UST: variants seen among roughly 807,000 people sequenced by gnomAD.
The protein encoded by UST is uronyl 2-sulfotransferase, also known as chondroitin sulfate 2-O-sulfotransferase.
In UST, 21 loss-of-function variants were observed where a neutral mutation model predicts 45.6. The ratio of observed to expected loss-of-function variants is 0.46; its 90% CI spans 0.33 to 0.66. The LOEUF (loss-of-function observed/expected upper bound fraction) is 0.66. UST is among the 30% of genes least tolerant of loss of function. The pLI is 0.02. For synonymous variants in UST, 215 were observed against 200.6 expected, an observed-to-expected ratio of 1.07 and a Z score of -0.61; for missense variants, 463 against 512.4, an observed-to-expected ratio of 0.90 and a Z score of 0.93.
At chr6:148,760,393 C>G (rs1157393847) in intron 1 of UST, among the ~76,000 whole-genome samples, 1 of 152,218 alleles carries the variant, frequency 6.6e-6, no homozygotes, top group East Asian at 1.9e-4. Context: ...CTGTGGGCAG[C>G]TCCAGTGGGT....
At chr6:148,805,488 T>A (rs1562263245) in intron 1 of UST, among the ~76,000 whole-genome samples, 1 of 152,170 alleles carries the variant, frequency 6.6e-6, no homozygotes, top group Non-Finnish European at 1.5e-5. Flanking sequence ...AGGCATGACA[T>A]AAAAAGGGGA....
intron 3 of UST, among the ~76,000 whole-genome samples, chr6:148,945,373 C>G (rs1780215713): frequency 6.6e-6 from 1 of 152,196 alleles, no homozygotes; most frequent in South Asian, 2.1e-4. Context: ...TTTATCTCCT[C>G]TAGCTGGATA....
intron 5 of UST, among the ~76,000 whole-genome samples, chr6:149,010,326 G>A (rs543793826): frequency 1.5e-4 from 23 of 152,260 alleles, no homozygotes; most frequent in African/African-American, 5.3e-4. Context: ...GACCATTGTA[G>A]TTGTGGGCTC....
chr6:148,756,513 A>C (rs142876732), intron 1 of UST, among the ~76,000 whole-genome samples: 58 of 152,254 alleles, frequency 3.8e-4, no homozygotes, highest in African/African-American at 1.2e-3. Context: ...CAGGGTTTAT[A>C]TTGATTGTCT....
At position 148,748,073 on chromosome 6, in the gene UST, C is replaced by A. The variant is rs1361867548; in HGVS notation, c.247+396C>A. Reference sequence around the variant, plus strand: ...AGGGAAGGGAAGGTCCTCTTCGTTGCATTGTTAGTGACCGCAGTTCAGTCC... The same window carrying A: ...AGGGAAGGGAAGGTCCTCTTCGTTGAATTGTTAGTGACCGCAGTTCAGTCC... On this transcript the variant is annotated intron_variant, in intron 1 of 7. Transcript: ENST00000367463. This position sits in a 1 kb window ranked among gnomAD's most constrained non-coding sequence, Gnocchi z 5.3. Among the ~76,000 whole-genome samples, 1 of 151,986 alleles carries A rather than the reference C, an allele frequency of 6.6e-6. No homozygotes were observed. The highest frequency in any genetic ancestry group is 1.5e-5 in the Non-Finnish European group (1 of 67,992).
chr6:148,867,380 C>T (rs770320947), intron 1 of UST, among the ~76,000 whole-genome samples: 44 of 151,760 alleles, frequency 2.9e-4, no homozygotes, highest in Non-Finnish European at 5.2e-4. Context: ...TTGTAAAATT[C>T]TGTGCTATAG....
intron 5 of UST, among the ~76,000 whole-genome samples, chr6:149,007,750 T>G (rs765260762): frequency 2.2e-4 from 32 of 147,434 alleles, no homozygotes; most frequent in Admixed American, 1.5e-3. Flanking sequence ...AGACAGGGGG[T>G]TTTTTTTTGG....
At chr6:148,884,652 T>G (rs1046085426) in intron 1 of UST, among the ~76,000 whole-genome samples, 9 of 151,790 alleles carry the variant, frequency 5.9e-5, no homozygotes, top group East Asian at 5.8e-4. Context: ...GCTGACTCTT[T>G]TGTGTGTAGA....
chr6:148,875,864 G>A (rs991204999), intron 1 of UST, among the ~76,000 whole-genome samples: 3 of 152,226 alleles, frequency 2.0e-5, no homozygotes, highest in African/African-American at 7.2e-5. Flanking sequence ...TATAAGATGA[G>A]GAAGTAGCGA....
intron 1 of UST, among the ~76,000 whole-genome samples, chr6:148,802,049 T>G (rs941561446): frequency 6.6e-6 from 1 of 152,242 alleles, no homozygotes; most frequent in African/African-American, 2.4e-5. Flanking sequence ...AAGTTTTCCA[T>G]GTAAGCAACT....
chr6:148,785,761 T>C (rs879596513), intron 1 of UST, among the ~76,000 whole-genome samples: 2 of 152,188 alleles, frequency 1.3e-5, no homozygotes, highest in African/African-American at 2.4e-5. Flanking sequence ...TAGTATAAGA[T>C]GTTGAGGAAA....
Position 148,879,952 on chromosome 6 carries a change from CTTTTTT to C in UST, c.248-7024_248-7019del, listed in dbSNP as rs766758383. ...GACTTTTCTTTTTTCTTTTTTTTTT[CTTTTTT>C]TTTTTTTTTGACAAGGTCTTGCTCT... On this transcript the variant is annotated intron_variant, in intron 1 of 7. Coordinates refer to ENST00000367463, the MANE Select transcript of UST (RefSeq NM_005715.3). Among the ~76,000 whole-genome samples the C allele has an allele frequency of 8.6e-4, 103 of 119,886 alleles. 1 individual carries two copies. The highest frequency in any genetic ancestry group is 2.6e-3 in the African/African-American group (84 of 32,704). 78.6% of individuals were successfully genotyped at this position (119,886 alleles called of 152,430 possible).
At chr6:148,902,574 T>G (rs1779281793) in intron 2 of UST, among the ~76,000 whole-genome samples, 1 of 152,198 alleles carries the variant, frequency 6.6e-6, no homozygotes, top group East Asian at 1.9e-4. Context: ...ATTTTGAGTC[T>G]CACGTTGTTG....
At chr6:148,835,382 A>C (rs1045534723) in intron 1 of UST, among the ~76,000 whole-genome samples, 2 of 152,162 alleles carry the variant, frequency 1.3e-5, no homozygotes, top group Admixed American at 6.5e-5. Flanking sequence ...CTGATGGATG[A>C]CTGACATAGA....
intron 3 of UST, among the ~76,000 whole-genome samples, chr6:148,949,960 A>C (rs1019441391): frequency 7.9e-5 from 12 of 152,142 alleles, no homozygotes; most frequent in African/African-American, 2.4e-4. Flanking sequence ...AGCATTGCCC[A>C]TCTCCATGAA....
intron 1 of UST, among the ~76,000 whole-genome samples, chr6:148,852,092 ATCTCTGTCCAGAAAAGGCGTTTT>A: frequency 6.6e-6 from 1 of 152,318 alleles, no homozygotes; most frequent in East Asian, 1.9e-4. Context: ...ATGCTCTTTC[ATCTCTGTCCAGAAAAGGCGTTTT>A]TACCTGCACC....
intron 5 of UST, among the ~76,000 whole-genome samples, chr6:148,980,299 G>A (rs182690189): frequency 6.6e-6 from 1 of 151,906 alleles, no homozygotes; most frequent in East Asian, 1.9e-4. Context: ...TTTTTTCTTA[G>A]AATGTCTCTC....
chr6:148,749,030 G>T (rs150612265), intron 1 of UST, among the ~76,000 whole-genome samples: 1,945 of 152,100 alleles, frequency 0.013, 26 homozygotes, highest in Non-Finnish European at 0.018. Flanking sequence ...TGTAGATGTG[G>T]ATAAAATAAT....
intron 2 of UST, among the ~76,000 whole-genome samples, chr6:148,915,495 A>G (rs1779571222): frequency 1.3e-5 from 2 of 151,882 alleles, no homozygotes; most frequent in African/African-American, 4.8e-5. Context: ...CCAAACAAGG[A>G]TGTCTGCATA....
Sources: allele counts gnomAD v4.1 joint callset (sites outside exome capture counted in the v4.1 genomes callset), GRCh38; gene constraint gnomAD v4.1.1; non-coding constraint Gnocchi (gnomAD v3.1); transcripts MANE v1.5; gene names NCBI Gene and HGNC (gene_info 2026-07-23, HGNC 2026-07-21).